The following MIER3 variants were observed in gnomAD, a reference collection of about 807,000 sequenced individuals.
MIER3 encodes the protein MIER family member 3.
MIER3 carries 9 observed loss-of-function variants against 63.2 expected under a neutral mutation model. The ratio of observed to expected loss-of-function variants is 0.14; its 90% CI spans 0.09 to 0.25. The LOEUF is 0.25. MIER3 is among the 10% of genes least tolerant of loss of function. MIER3 has a pLI of 1.00. For missense variants in MIER3, 512 were observed against 666.2 expected, an observed-to-expected ratio of 0.77 and a Z score of 2.55; for synonymous variants, 205 against 224.9, an observed-to-expected ratio of 0.91 and a Z score of 0.79.
intron 7 of MIER3, among the ~76,000 whole-genome samples, 184 bp downstream of exon 7, chr5:56,935,244 A>C (rs918054313): frequency 1.3e-5 from 2 of 151,896 alleles, no homozygotes; most frequent in Non-Finnish European, 2.9e-5. Flanking sequence ...GTGGGGGGAA[A>C]CTCTGAGTCT....
chr5:56,927,639 T>A (rs951115765), intron 10 of MIER3, among the ~76,000 whole-genome samples: 7 of 152,180 alleles, frequency 4.6e-5, no homozygotes, highest in African/African-American at 1.7e-4. Flanking sequence ...TTCCTATATA[T>A]CCTGAAGTTC....
At chr5:56,942,297 C>G (rs563315701) in intron 3 of MIER3, among the ~76,000 whole-genome samples, 1 of 152,238 alleles carries the variant, frequency 6.6e-6, no homozygotes, top group Admixed American at 6.5e-5. Flanking sequence ...ATGGGTATGT[C>G]TGAAAATTCT....
At chr5:56,937,216 C>T (rs775060310) in intron 5 of MIER3, among the ~76,000 whole-genome samples, 23 of 152,084 alleles carry the variant, frequency 1.5e-4, no homozygotes, top group Non-Finnish European at 2.9e-4. Context: ...GCTGGGATTA[C>T]AAGTGCATGC....
At chr5:56,949,091 T>C (rs1474428987) in intron 2 of MIER3, among the ~76,000 whole-genome samples, 1 of 152,088 alleles carries the variant, frequency 6.6e-6, no homozygotes, top group Non-Finnish European at 1.5e-5. Flanking sequence ...TTTAAAAAAC[T>C]GGCTAATTAA....
intron 3 of MIER3, among the ~76,000 whole-genome samples, chr5:56,941,932 T>A (rs72759725): frequency 0.058 from 8,781 of 152,102 alleles, 336 homozygotes; most frequent in South Asian, 0.13. Context: ...GAAGGAGGAC[T>A]CCCCAGTTTT....
chr5:56,936,721 T>C (rs966795770), intron 5 of MIER3, among the ~76,000 whole-genome samples: 7 of 152,200 alleles, frequency 4.6e-5, no homozygotes, highest in Admixed American at 6.5e-5. Context: ...GGTCTTGCTA[T>C]GTTACCCAGG....
chr5:56,925,303 AG>A, intron 10 of MIER3: 1 of 454,118 alleles, frequency 2.2e-6, no homozygotes, highest in Non-Finnish European at 4.4e-6. Flanking sequence ...CAGATTGGGA[AG>A]GAAGAAATAA....
chr5:56,933,485 C>T lies in MIER3; in HGVS notation c.596-87G>A, dbSNP rs1011936994. The T allele has an allele frequency of 1.2e-5, 15 of 1,256,710 alleles. No individual in the cohort carries two copies. The African/African-American group carries it at 1.5e-4, about 13-fold the overall frequency. 77.8% of individuals were successfully genotyped at this position (1,256,710 alleles called of 1,614,324 possible). On this transcript the variant is annotated intron_variant, in intron 7 of 12. Transcript: ENST00000381199. The stretch of plus-strand genomic sequence containing the variant: ...ACAATTCTTTGTCTTCCTTGATTGG[C>T]TATCCAGTGGGACAAGTAAATAACT...
At chr5:56,935,378 A>G in intron 7 of MIER3, 50 bp downstream of exon 7, 1 of 1,350,220 alleles carries the variant, frequency 7.4e-7, no homozygotes, top group African/African-American at 1.5e-5. Context: ...ACACTTATCA[A>G]GTGGTAACCT....
Position 56,921,277 on chromosome 5 carries a change from T to TG in MIER3, c.*1850dup, listed in dbSNP as rs1270724602. On this transcript the variant is annotated 3_prime_UTR_variant, in exon 13 of 13. Transcript: ENST00000381199. ...TCTTACTAAATTATAGAAAGTGTAC[T>TG]GATTTTTAATAAAAGAAATAAGGTT... 1 of 152,532 alleles carries TG rather than the reference T, an allele frequency of 6.6e-6. No individual in the cohort carries two copies. The highest frequency in any genetic ancestry group is 1.5e-5 in the Non-Finnish European group (1 of 67,984). 9.4% of individuals were successfully genotyped at this position (152,532 alleles called of 1,614,324 possible). A position where few individuals can be genotyped will look rare whatever the true frequency, so the allele number is the denominator to read the frequency against.
intron 3 of MIER3, among the ~76,000 whole-genome samples, chr5:56,943,197 A>T (rs551389061): frequency 6.6e-6 from 1 of 152,224 alleles, no homozygotes; most frequent in African/African-American, 2.4e-5. Context: ...CAAGCTAAAG[A>T]CTGAACGGGA....
In MIER3 at chr5:56,928,829, G is replaced by A. The variant is rs1750129059; in HGVS notation, c.862C>T (p.Arg288Ter). 1.9e-6 allele frequency: 3 copies of A among 1,613,426 alleles called. No homozygotes were observed. The highest frequency in any genetic ancestry group is 2.2e-5 in the East Asian group (1 of 44,838). ...AGCATGAGTGCATGTTCAAAGCTTC[G>A]GCATTCTTCTTCCGTCCATGCAGTC... ...GMTAWTEEEC[R>*]SFEHALMLFG... is the part of the protein sequence containing the mutation. The change falls in exon 10 of 13, where the codon CGA (arginine) becomes TGA (stop). Residue 288 changes from arginine to a stop codon, truncating the protein, a stop_gained. Transcript: ENST00000381199. LOFTEE classifies it high-confidence loss of function.
At chr5:56,931,298 G>C (rs1750257901) in intron 8 of MIER3, among the ~76,000 whole-genome samples, 1 of 152,062 alleles carries the variant, frequency 6.6e-6, no homozygotes, top group Admixed American at 6.6e-5. Context: ...TAATAAACAG[G>C]AATAACAGAA....
chr5:56,923,414 A>G lies in MIER3; in HGVS notation c.1367T>C (p.Phe456Ser). Reference sequence around the variant, plus strand: ...CTCCGAGTGATAAAATCCAGTCTCAAATAAATTAAAACAATCACTTTCCCC... The same window carrying G: ...CTCCGAGTGATAAAATCCAGTCTCAGATAAATTAAAACAATCACTTTCCCC... ...SNGESDCFNL[F>S]ETGFYHSELN... is the part of the protein sequence containing the mutation. The change falls in exon 13 of 13, where the codon TTT becomes TCT. Residue 456 changes from phenylalanine to serine, a missense_variant. By Grantham distance (155) the Phe-to-Ser change is radical (BLOSUM62 -2). Around this residue, in one of 5 missense-constraint regions of MIER3, gnomAD observed 218 missense variants for 251.2 expected, o/e 0.87. Transcript: ENST00000381199. 6.2e-7 allele frequency: 1 copy of G among 1,614,200 alleles called. No homozygotes were observed. Among genetic ancestry groups the G allele is most frequent in the Non-Finnish European group, 8.5e-7 (1 of 1,180,020 alleles).
chr5:56,945,751 A>C (rs769876724), intron 3 of MIER3, among the ~76,000 whole-genome samples: 1 of 152,210 alleles, frequency 6.6e-6, no homozygotes, highest in Non-Finnish European at 1.5e-5. Flanking sequence ...ATAAAAACTT[A>C]TAATTCTTGA....
chr5:56,923,059 T>TC lies in MIER3; in HGVS notation c.*68_*69insG. On this transcript the variant is annotated 3_prime_UTR_variant, in exon 13 of 13. Transcript: ENST00000381199. ...AAGGTTCAAACTTCCAGTGAAAGAC[T>TC]ATGCAAACCTGATAGCTCCCCTCAA... 1 of 1,339,398 alleles carries TC rather than the reference T, an allele frequency of 7.5e-7. No individual in the cohort carries two copies. Among genetic ancestry groups the TC allele is most frequent in the Non-Finnish European group, 1.0e-6 (1 of 961,380 alleles). 83.0% of individuals were successfully genotyped at this position (1,339,398 alleles called of 1,614,324 possible). A position where few individuals can be genotyped will look rare whatever the true frequency, so the allele number is the denominator to read the frequency against.
At chr5:56,950,028 G>A (rs562462740) in intron 2 of MIER3, among the ~76,000 whole-genome samples, 2 of 152,298 alleles carry the variant, frequency 1.3e-5, no homozygotes, top group South Asian at 2.1e-4. Flanking sequence ...AGGGGTTTCT[G>A]ACCTCAGGAA....
At chr5:56,939,683 T>C (rs1387945834) in intron 3 of MIER3, among the ~76,000 whole-genome samples, 2 of 152,196 alleles carry the variant, frequency 1.3e-5, no homozygotes, top group African/African-American at 4.8e-5. Flanking sequence ...TAAAATTACA[T>C]ACCCTGGCTA....
intron 8 of MIER3, 69 bp from the exon 9 acceptor site, chr5:56,930,814 G>A: frequency 8.0e-7 from 1 of 1,255,130 alleles, no homozygotes; most frequent in Non-Finnish European, 1.2e-6. Flanking sequence ...ACAGGTGTAA[G>A]AGTTTTGATA....
Sources: allele counts gnomAD v4.1 joint callset (sites outside exome capture counted in the v4.1 genomes callset), GRCh38; gene constraint gnomAD v4.1.1; regional missense constraint gnomAD v4.1.1; transcripts MANE v1.5; gene names NCBI Gene and HGNC (gene_info 2026-07-23, HGNC 2026-07-21).